Variants in C6 observed in about 807,000 individuals in gnomAD.
C6 encodes the protein complement C6.
In C6, 101 loss-of-function variants were observed where a neutral mutation model predicts 112.9. That is an observed-to-expected ratio of 0.89 (90% CI 0.76 to 1.06). The LOEUF is 1.06. C6 is among the 50% of genes least tolerant of loss of function. C6 has a pLI of 0.00. For missense variants in C6, 1,202 were observed against 1,104.6 expected (o/e 1.09, Z -1.25); for synonymous variants, 431 against 384.1 (o/e 1.12, Z -1.43).
intron 1 of C6, among the ~76,000 whole-genome samples, chr5:41,226,038 A>G (rs191295795): frequency 1.3e-5 from 2 of 152,300 alleles, no homozygotes; most frequent in African/African-American, 2.4e-5. Context: ...GGACATAGGC[A>G]TGGACAAGGA....
At chr5:41,261,262 T>C (rs1430775300) in exon 1 of C6, 2 of 949,250 alleles carry the variant, frequency 2.1e-6, no homozygotes, top group African/African-American at 3.5e-5. Context: ...CCAGAGTAAC[T>C]GGTTTCATAT....
intron 1 of C6, among the ~76,000 whole-genome samples, chr5:41,239,777 T>C (rs1267085383): frequency 6.6e-6 from 1 of 152,216 alleles, no homozygotes; most frequent in Non-Finnish European, 1.5e-5. Flanking sequence ...CCCTGAAGCA[T>C]ATCTTTCAGG....
intron 8 of C6, among the ~76,000 whole-genome samples, chr5:41,173,397 G>A (rs1213790886): frequency 6.6e-6 from 1 of 152,184 alleles, no homozygotes. Context: ...AACAGATGTA[G>A]TATTTTTGTA....
At chr5:41,145,196 A>T (rs1745702332) in intron 17 of C6, among the ~76,000 whole-genome samples, 1 of 152,240 alleles carries the variant, frequency 6.6e-6, no homozygotes, top group Non-Finnish European at 1.5e-5. Flanking sequence ...TGCTTTCCAC[A>T]ATGGTTGAAC....
intron 1 of C6, among the ~76,000 whole-genome samples, chr5:41,260,545 G>T (rs565869244): frequency 1.3e-5 from 2 of 151,442 alleles, no homozygotes; most frequent in South Asian, 4.2e-4. Context: ...CGAGGCGGTC[G>T]TATCACCTGA....
At position 41,159,204 on chromosome 5, in the gene C6, A is replaced by G. The variant is rs767932073; in HGVS notation, c.1734T>C (p.Asp578=). The G allele has an allele frequency of 2.1e-5, 34 of 1,613,388 alleles. No individual in the cohort carries two copies. Among genetic ancestry groups the G allele is most frequent in the Non-Finnish European group, 2.5e-5 (29 of 1,179,710 alleles). ...GGGTTCTCGATCTCTTATAAGTAGC[A>G]TCACAGGTACTCCAGGAAGACCAAC... ...WGCWSSWSTC[D]ATYKRSRTRE... is the part of the protein sequence containing the mutation. The change falls in exon 12 of 18, where the codon GAT becomes GAC. Residue 578 remains aspartate, a synonymous_variant. Coordinates refer to ENST00000337836, the MANE Select transcript of C6 (RefSeq NM_000065.5).
At chr5:41,180,692 TG>T (rs1357657750) in intron 7 of C6, among the ~76,000 whole-genome samples, 3 of 152,088 alleles carry the variant, frequency 2.0e-5, no homozygotes, top group African/African-American at 7.2e-5. Flanking sequence ...AGAAGACAAT[TG>T]AATAACATCT....
intron 1 of C6, among the ~76,000 whole-genome samples, chr5:41,253,087 T>TTGAAGA (rs1741465044): frequency 6.6e-6 from 1 of 152,240 alleles, no homozygotes; most frequent in Non-Finnish European, 1.5e-5. Context: ...GAAGAAGGCA[T>TTGAAGA]GGGCTTGAAT....
chr5:41,247,061 T>G (rs1439954620), intron 1 of C6, among the ~76,000 whole-genome samples: 2 of 152,200 alleles, frequency 1.3e-5, no homozygotes, highest in African/African-American at 4.8e-5. Context: ...AAACCTGTCT[T>G]TCCTTGTGCC....
chr5:41,144,758 G>A (rs756353210), intron 17 of C6, among the ~76,000 whole-genome samples: 10 of 151,946 alleles, frequency 6.6e-5, no homozygotes, highest in Non-Finnish European at 1.5e-4. Flanking sequence ...CCCTCAAGTC[G>A]GCCCTGGTGT....
At chr5:41,166,515 A>T (rs1410332439) in intron 9 of C6, among the ~76,000 whole-genome samples, 1 of 152,120 alleles carries the variant, frequency 6.6e-6, no homozygotes. Context: ...TTAATTACCC[A>T]TTCATTTATT....
At chr5:41,152,692 T>A (rs1450639337) in intron 15 of C6, 1 of 152,186 alleles carries the variant, frequency 6.6e-6, no homozygotes, top group Non-Finnish European at 1.5e-5. Context: ...TGGAGACCTA[T>A]CCTTCCGGTA....
rs752176579 is a variant in C6, at chr5:41,201,648, A to T, written c.210T>A (p.Thr70=). 7 of 1,613,432 alleles carry T rather than the reference A, an allele frequency of 4.3e-6. No individual in the cohort carries two copies. Among genetic ancestry groups the T allele is most frequent in the Non-Finnish European group, 5.9e-6 (7 of 1,179,814 alleles). ...GGCATCTTTGCCAGTTACATTCTCT[A>T]GTCTCCTGCTTGCTGCAAATCTGTT... is the stretch of plus-strand genomic sequence containing the variant. The part of the protein sequence containing the change: ...FCEQICSKQE[T]RECNWQRCPI... Residue 70 remains threonine, a synonymous_variant, in exon 3 of 18, where the codon ACT becomes ACA. Transcript: ENST00000337836.
chr5:41,176,965 T>A (rs1748912512), intron 7 of C6, among the ~76,000 whole-genome samples: 1 of 152,216 alleles, frequency 6.6e-6, no homozygotes, highest in South Asian at 2.1e-4. Context: ...ACGTGTTCTC[T>A]AAGAAAGAAG....
At chr5:41,196,346 C>T (rs1750616542) in intron 4 of C6, among the ~76,000 whole-genome samples, 1 of 151,572 alleles carries the variant, frequency 6.6e-6, no homozygotes, top group African/African-American at 2.4e-5. Flanking sequence ...CACAGTCACA[C>T]ACAATAACAT....
chr5:41,188,058 G>T (rs1749920412), intron 5 of C6, among the ~76,000 whole-genome samples: 1 of 151,860 alleles, frequency 6.6e-6, no homozygotes, highest in Non-Finnish European at 1.5e-5. Context: ...AAAATCCTCA[G>T]GTATTTATTT....
intron 11 of C6, among the ~76,000 whole-genome samples, 200 bp downstream of exon 11, chr5:41,159,942 G>A (rs994279714): frequency 6.6e-6 from 1 of 152,108 alleles, no homozygotes; most frequent in African/African-American, 2.4e-5. Context: ...TGAGGCATAG[G>A]GAAGCTGGGT....
At chr5:41,171,978 G>A (rs189207221) in intron 9 of C6, among the ~76,000 whole-genome samples, 207 of 152,286 alleles carry the variant, frequency 1.4e-3, no homozygotes, top group Non-Finnish European at 2.1e-3. Context: ...TTCTGTCCAT[G>A]AGCAAAATCA....
At chr5:41,158,814 T>C (rs548480440) in intron 12 of C6, 29 bp from the exon 13 acceptor site, 22 of 1,214,366 alleles carry the variant, frequency 1.8e-5, no homozygotes, top group Non-Finnish European at 2.5e-5. Flanking sequence ...TATGTGTGTA[T>C]ATGTATGTAT....
Sources: allele counts gnomAD v4.1 joint callset (sites outside exome capture counted in the v4.1 genomes callset), GRCh38; gene constraint gnomAD v4.1.1; transcripts MANE v1.5; gene names NCBI Gene and HGNC (gene_info 2026-07-23, HGNC 2026-07-21).